The following ROBO2 variants were observed in gnomAD, a reference collection of about 807,000 sequenced individuals.
The protein encoded by ROBO2 is roundabout guidance receptor 2, also known as roundabout homolog 2.
Under a neutral mutation model 160.8 loss-of-function variants are expected in ROBO2, and 53 were observed. The ratio of observed to expected loss-of-function variants is 0.33; its 90% CI spans 0.26 to 0.41. The LOEUF is 0.41. Among genes scored for constraint, ROBO2 ranks in the 10% least tolerant of loss-of-function variants. The probability of loss-of-function intolerance (pLI) is 1.00; values close to 1 mark genes in which losing one functional copy is unlikely to be tolerated. For missense variants in ROBO2, 1,577 were observed against 1,722.4 expected (o/e 0.92, Z 1.49); for synonymous variants, 664 against 611.7 (o/e 1.09, Z -1.26).
rs530828862 is a variant in ROBO2 at position 76,893,556 on chromosome 3, C to CAT, written c.110-204451_110-204450dup. Among the ~76,000 whole-genome samples the CAT allele has an allele frequency of 3.0e-4, 45 of 151,746 alleles. No homozygotes were observed. In the East Asian group the frequency reaches 7.9e-3, roughly 27 times the overall value. On this transcript the variant is annotated intron_variant, in intron 2 of 26. Coordinates refer to the ROBO2 transcript ENST00000487694. The stretch of plus-strand genomic sequence containing the variant: ...TTTTTTATTGATGTATAACATATTA[C>CAT]ATATATATGGGTTATATGCAATATT...
At chr3:77,540,629 G>A (rs753132774) in intron 6 of ROBO2, among the ~76,000 whole-genome samples, 9 of 152,092 alleles carry the variant, frequency 5.9e-5, no homozygotes, top group Non-Finnish European at 1.0e-4. Flanking sequence ...CGCATGCTGC[G>A]GTTAATACCT....
At chr3:76,466,042 T>C (rs571506815) in intron 2 of ROBO2, among the ~76,000 whole-genome samples, 1 of 150,728 alleles carries the variant, frequency 6.6e-6, no homozygotes, top group South Asian at 2.1e-4. Flanking sequence ...TGTAAAATTG[T>C]CTAAAACATA....
chr3:76,546,444 T>G (rs1429451701), intron 2 of ROBO2, among the ~76,000 whole-genome samples: 1 of 151,774 alleles, frequency 6.6e-6, no homozygotes, highest in African/African-American at 2.4e-5. Context: ...CAAAGAGAAA[T>G]TAAGATTATA....
intron 2 of ROBO2, among the ~76,000 whole-genome samples, chr3:76,497,442 C>T (rs1395930454): frequency 1.3e-5 from 2 of 152,164 alleles, no homozygotes; most frequent in African/African-American, 4.8e-5. Flanking sequence ...GCCTTCTTCC[C>T]GCCATGGCCT....
At chr3:77,192,805 C>T (rs9873418) in intron 2 of ROBO2, among the ~76,000 whole-genome samples, 31,120 of 151,528 alleles carry the variant, frequency 0.21, 3,249 homozygotes, top group Middle Eastern at 0.29. Flanking sequence ...GCCACCTCAC[C>T]TGGCTTATTT....
intron 2 of ROBO2, among the ~76,000 whole-genome samples, chr3:77,237,388 T>C (rs2088191127): frequency 6.7e-6 from 1 of 148,904 alleles, no homozygotes; most frequent in Non-Finnish European, 1.5e-5. Context: ...TTTTTCTTTT[T>C]CCTGTTTTTG....
intron 2 of ROBO2, among the ~76,000 whole-genome samples, chr3:76,074,918 T>C (rs9840618): frequency 0.62 from 94,781 of 151,912 alleles, 30,215 homozygotes; most frequent in African/African-American, 0.75. Flanking sequence ...GAAATGATGG[T>C]AGTTGTATAT....
At chr3:76,598,046 A>C (rs1273814337) in intron 2 of ROBO2, among the ~76,000 whole-genome samples, 1 of 152,232 alleles carries the variant, frequency 6.6e-6, no homozygotes, top group African/African-American at 2.4e-5. Flanking sequence ...TGAATGATGG[A>C]ACAACTGCTG....
chr3:76,431,418 C>A (rs1311898191), intron 2 of ROBO2, among the ~76,000 whole-genome samples: 1 of 151,902 alleles, frequency 6.6e-6, no homozygotes, highest in Non-Finnish European at 1.5e-5. Flanking sequence ...ACAAATGTGG[C>A]AATGCTTTAA....
At chr3:77,580,200 A>C in intron 16 of ROBO2, 82 bp downstream of exon 17, 1 of 1,243,312 alleles carries the variant, frequency 8.0e-7, no homozygotes, top group South Asian at 1.2e-5. Context: ...ACCTACTAAT[A>C]GTGAATATAC....
intron 2 of ROBO2, among the ~76,000 whole-genome samples, chr3:76,150,418 TCATCTGTCTAAAGCACA>T (rs2072143471): frequency 7.8e-4 from 2 of 2,560 alleles, no homozygotes; most frequent in South Asian, 0.022. Context: ...AAAGCACACA[TCATCTGTCTAAAGCACA>T]CATCTGTCTA....
intron 1 of ROBO2, 107 bp downstream of exon 1, chr3:77,040,953 C>A: frequency 1.4e-6 from 2 of 1,472,988 alleles, no homozygotes; most frequent in Non-Finnish European, 1.9e-6. Context: ...GACATTATGT[C>A]TGTTAGTCCG....
chr3:77,338,841 T>C (rs2066762178), intron 2 of ROBO2, among the ~76,000 whole-genome samples: 1 of 152,146 alleles, frequency 6.6e-6, no homozygotes. Context: ...ATTGAAATAA[T>C]TGTTTGAGTT....
intron 2 of ROBO2, among the ~76,000 whole-genome samples, chr3:77,329,729 C>T (rs937956290): frequency 1.3e-5 from 2 of 152,172 alleles, no homozygotes; most frequent in African/African-American, 2.4e-5. Context: ...CCAATTTGTA[C>T]AGTCAGTCTA....
intron 1 of ROBO2, among the ~76,000 whole-genome samples, chr3:77,087,989 G>A (rs1366470580): frequency 6.6e-6 from 1 of 152,036 alleles, no homozygotes; most frequent in East Asian, 1.9e-4. Context: ...AACCAAGCCT[G>A]CACTCCCTAC....
At chr3:77,278,456 A>G (rs967226288) in intron 2 of ROBO2, among the ~76,000 whole-genome samples, 3 of 152,128 alleles carry the variant, frequency 2.0e-5, no homozygotes, top group East Asian at 1.9e-4. Flanking sequence ...CACATAAACC[A>G]ATTTTATGAA....
At chr3:77,277,161 T>TTTC (rs2059899995) in intron 2 of ROBO2, among the ~76,000 whole-genome samples, 1 of 86,566 alleles carries the variant, frequency 1.2e-5, no homozygotes, top group African/African-American at 5.0e-5. Context: ...TCTTTCCTTC[T>TTTC]TTCTTTCTTT....
intron 2 of ROBO2, among the ~76,000 whole-genome samples, chr3:77,104,197 A>G (rs1560017363): frequency 1.3e-5 from 2 of 152,154 alleles, no homozygotes; most frequent in African/African-American, 2.4e-5. Context: ...CTCTATACCC[A>G]TTAGAACTCA....
chr3:76,620,669 T>G (rs142926425), intron 2 of ROBO2, among the ~76,000 whole-genome samples: 85 of 152,304 alleles, frequency 5.6e-4, no homozygotes, highest in African/African-American at 1.9e-3. Context: ...ACATATAGTT[T>G]ATATGTACAT....
Sources: allele counts gnomAD v4.1 joint callset (sites outside exome capture counted in the v4.1 genomes callset), GRCh38; gene constraint gnomAD v4.1.1; transcripts MANE v1.5; gene names NCBI Gene and HGNC (gene_info 2026-07-23, HGNC 2026-07-21).